The following CHSY1 variants were observed in gnomAD, a reference collection of about 807,000 sequenced individuals.
The protein encoded by CHSY1 is N-acetylgalactosaminyl-proteoglycan 3-beta-glucuronosyltransferase 1.
CHSY1 carries 13 observed loss-of-function variants against 59.8 expected under a neutral mutation model. The observed-to-expected ratio is 0.22, with a 90% CI of 0.14 to 0.35. The LOEUF (loss-of-function observed/expected upper bound fraction) is 0.35, where lower values mean the gene tolerates loss of function less well. Ranked by LOEUF, CHSY1 falls within the 10% of genes least tolerant of loss-of-function variation. CHSY1 has a pLI of 1.00. For missense variants in CHSY1, 947 were observed against 1,030.6 expected (o/e 0.92, Z 1.11); for synonymous variants, 459 against 401.2 (o/e 1.14, Z -1.72).
intron 1 of CHSY1, among the ~76,000 whole-genome samples, chr15:101,250,550 C>T (rs964991599): frequency 6.6e-6 from 1 of 152,188 alleles, no homozygotes; most frequent in Non-Finnish European, 1.5e-5. Context: ...CTACCAAGGG[C>T]CAAGAACTGC....
At chr15:101,212,889 T>C (rs956869651) in intron 2 of CHSY1, among the ~76,000 whole-genome samples, 1 of 152,192 alleles carries the variant, frequency 6.6e-6, no homozygotes, top group African/African-American at 2.4e-5. Flanking sequence ...GACAGATATG[T>C]AATAAAGCAA....
intron 2 of CHSY1, among the ~76,000 whole-genome samples, chr15:101,232,061 G>A (rs547054266): frequency 8.8e-4 from 134 of 152,188 alleles, no homozygotes; most frequent in Non-Finnish European, 1.4e-3. Flanking sequence ...ATCAAAACAA[G>A]TTTAGAAATG....
intron 1 of CHSY1, among the ~76,000 whole-genome samples, chr15:101,240,352 C>T (rs1026405034): frequency 6.6e-6 from 1 of 152,222 alleles, no homozygotes; most frequent in African/African-American, 2.4e-5. Flanking sequence ...AAGCTGTCCC[C>T]TCTTCTGCAA....
At chr15:101,188,671 G>A (rs867877816) in intron 2 of CHSY1, among the ~76,000 whole-genome samples, 2 of 152,078 alleles carry the variant, frequency 1.3e-5, no homozygotes, top group South Asian at 2.1e-4. Context: ...TTTTAGAGAA[G>A]CCTGACTCAT....
At chr15:101,239,278 A>G (rs2038977921) in intron 1 of CHSY1, among the ~76,000 whole-genome samples, 2 of 152,256 alleles carry the variant, frequency 1.3e-5, no homozygotes, top group African/African-American at 4.8e-5. Flanking sequence ...AATCATTTCT[A>G]TCTTGTACTT....
intron 2 of CHSY1, among the ~76,000 whole-genome samples, chr15:101,190,198 G>C (rs991349819): frequency 6.7e-6 from 1 of 149,722 alleles, no homozygotes; most frequent in African/African-American, 2.4e-5. Flanking sequence ...TTTCAAAAAA[G>C]AGGGTAAGAA....
chr15:101,225,208 C>T (rs934267595), intron 2 of CHSY1, among the ~76,000 whole-genome samples: 8 of 152,030 alleles, frequency 5.3e-5, no homozygotes, highest in African/African-American at 1.9e-4. Context: ...GCTAGGACCA[C>T]AGGCGTGCAA....
At position 101,205,722 on chromosome 15, in the gene CHSY1, T is replaced by C. The variant is rs148426825; in HGVS notation, c.817-26742A>G. Among the ~76,000 whole-genome samples, 1,007 of 152,134 alleles carry C rather than the reference T, an allele frequency of 6.6e-3. 13 individuals carry two copies. The highest frequency in any genetic ancestry group is 0.023 in the African/African-American group (953 of 41,506). Reference sequence around the variant, plus strand: ...ATCCCAGTACTTTGGGAGGCTGAGGTGGGTGGATCACGAGATCAGGAGATC... The same window carrying C: ...ATCCCAGTACTTTGGGAGGCTGAGGCGGGTGGATCACGAGATCAGGAGATC... On this transcript the variant is annotated intron_variant, in intron 2 of 2. Transcript: ENST00000254190.
At position 101,177,965 on chromosome 15, in the gene CHSY1, GCTC is replaced by G; in HGVS notation, c.1829_1831del (p.Arg610_Ala611delinsThr). ...GGAGGATCCTACTTCCAGGGCCAGG[GCTC>G]TTGAAAACTCTCCAGACACAGGCAA... On this transcript the variant is annotated inframe_deletion, in exon 3 of 3. Transcript: ENST00000254190. 1 of 1,614,154 alleles carries G rather than the reference GCTC, an allele frequency of 6.2e-7. No individual in the cohort carries two copies. The highest frequency in any genetic ancestry group is 8.5e-7 in the Non-Finnish European group (1 of 1,180,018).
intron 2 of CHSY1, among the ~76,000 whole-genome samples, chr15:101,234,185 G>A (rs987104360): frequency 3.3e-5 from 5 of 152,126 alleles, no homozygotes; most frequent in South Asian, 4.2e-4. Context: ...TATGTGTCAC[G>A]GTAACTCAGA....
Position 101,177,962 on chromosome 15 carries a change from A to G in CHSY1, c.1835T>C (p.Leu612Pro), listed in dbSNP as rs771358744. 44 of 1,614,108 alleles carry G rather than the reference A, an allele frequency of 2.7e-5. No individual in the cohort carries two copies. The highest frequency in any genetic ancestry group is 3.6e-5 in the Non-Finnish European group (42 of 1,180,030). ...CTGGGAGGATCCTACTTCCAGGGCC[A>G]GGGCTCTTGAAAACTCTCCAGACAC... ...LPVSGEFSRA[L>P]ALEVGSSQFN... Residue 612 changes from leucine to proline, a missense_variant, in exon 3 of 3, where the codon CTG becomes CCG. Around this residue, in one of 4 missense-constraint regions of CHSY1, gnomAD observed 602 missense variants for 676.9 expected, o/e 0.89. Transcript: ENST00000254190.
chr15:101,223,029 C>G (rs1004097103), intron 2 of CHSY1, among the ~76,000 whole-genome samples: 7 of 152,194 alleles, frequency 4.6e-5, no homozygotes, highest in Non-Finnish European at 1.0e-4. Context: ...GAGTTTTGCT[C>G]TTTGCCCAGG....
intron 2 of CHSY1, among the ~76,000 whole-genome samples, chr15:101,190,681 T>C (rs55745958): frequency 0.1 from 15,505 of 152,260 alleles, 1,103 homozygotes; most frequent in Middle Eastern, 0.19. Flanking sequence ...AGTCACAGAC[T>C]GAAAGAAAAT....
At chr15:101,221,370 G>GT (rs2038787356) in intron 2 of CHSY1, among the ~76,000 whole-genome samples, 1 of 152,266 alleles carries the variant, frequency 6.6e-6, no homozygotes, top group South Asian at 2.1e-4. Flanking sequence ...GGGTGTACCT[G>GT]TAATTCCAGC....
chr15:101,201,746 C>A (rs1475850646), intron 2 of CHSY1, among the ~76,000 whole-genome samples: 3 of 152,198 alleles, frequency 2.0e-5, no homozygotes, highest in Non-Finnish European at 4.4e-5. Flanking sequence ...AGGGGCTGCC[C>A]TTCTTTCATT....
intron 2 of CHSY1, among the ~76,000 whole-genome samples, chr15:101,224,632 G>C (rs2038821833): frequency 2.0e-5 from 3 of 152,190 alleles, no homozygotes; most frequent in Non-Finnish European, 4.4e-5. Context: ...AGCACCTCAA[G>C]GGATTCTCTT....
chr15:101,219,313 A>G (rs1021387941), intron 2 of CHSY1, among the ~76,000 whole-genome samples: 1 of 152,220 alleles, frequency 6.6e-6, no homozygotes, highest in African/African-American at 2.4e-5. Context: ...TGAAAGGCTT[A>G]GATCACCAAG....
In CHSY1 at chr15:101,251,479, G is replaced by GACCGCCGCCGCCGCC; in HGVS notation, c.-24_-23insGGCGGCGGCGGCGGT. On this transcript the variant is annotated 5_prime_UTR_variant, in exon 1 of 3. Coordinates refer to ENST00000254190, the MANE Select transcript of CHSY1 (RefSeq NM_014918.5). ...CATGCCCGCGCCGCTCCGCCCGCCG[G>GACCGCCGCCGCCGCC]GCCGCCGCCGCAGGCTCCGCGCGCC... 6 of 703,418 alleles carry GACCGCCGCCGCCGCC rather than the reference G, an allele frequency of 8.5e-6. No individual in the cohort carries two copies. Among genetic ancestry groups the GACCGCCGCCGCCGCC allele is most frequent in the Non-Finnish European group, 1.0e-5 (6 of 577,174 alleles). 43.6% of individuals were successfully genotyped at this position (703,418 alleles called of 1,614,324 possible). A position where few individuals can be genotyped will look rare whatever the true frequency, so the allele number is the denominator to read the frequency against.
At chr15:101,231,915 A>AG (rs1424855523) in intron 2 of CHSY1, among the ~76,000 whole-genome samples, 1 of 152,238 alleles carries the variant, frequency 6.6e-6, no homozygotes, top group African/African-American at 2.4e-5. Context: ...TGGCAAGGGG[A>AG]GCCAGGAGCT....
Sources: gnomAD v4.1 joint callset for allele counts (sites outside exome capture counted in the v4.1 genomes callset) on GRCh38, gnomAD v4.1.1 for gene constraint, gnomAD v4.1.1 regional missense constraint, MANE v1.5 for transcripts, NCBI Gene and HGNC (gene_info 2026-07-23, HGNC 2026-07-21) for gene names.